The following PRKN variants were observed in gnomAD, a reference collection of about 807,000 sequenced individuals.
PRKN encodes the protein parkin RBR E3 ubiquitin protein ligase, also known as E3 ubiquitin-protein ligase parkin.
PRKN carries 56 observed loss-of-function variants against 59.5 expected under a neutral mutation model. The ratio of observed to expected loss-of-function variants is 0.94; its 90% CI spans 0.76 to 1.18. PRKN has a LOEUF of 1.18. Among genes scored for constraint, PRKN ranks in the 50% most tolerant of loss-of-function variants. PRKN has a pLI of 0.00. For missense variants in PRKN, 657 were observed against 596.4 expected (o/e 1.10, Z -1.06); for synonymous variants, 250 against 222.1 (o/e 1.13, Z -1.12).
intron 9 of PRKN, among the ~76,000 whole-genome samples, chr6:161,510,370 G>A (rs1778340952): frequency 6.6e-6 from 1 of 151,968 alleles, no homozygotes; most frequent in Non-Finnish European, 1.5e-5. Flanking sequence ...GAGGTCGCCA[G>A]TGAGGCATCG....
chr6:161,817,115 C>T (rs1240662163), intron 6 of PRKN, among the ~76,000 whole-genome samples: 4 of 152,174 alleles, frequency 2.6e-5, no homozygotes, highest in Admixed American at 2.6e-4. Context: ...TTCTACCTTC[C>T]CGGTCCACTG....
chr6:162,266,134 T>C (rs1780120281), intron 2 of PRKN, among the ~76,000 whole-genome samples: 1 of 152,194 alleles, frequency 6.6e-6, no homozygotes, highest in African/African-American at 2.4e-5. Flanking sequence ...TTGAGGTTTC[T>C]ATCCACATTT....
At chr6:162,578,707 T>G (rs1358028657) in intron 1 of PRKN, among the ~76,000 whole-genome samples, 1 of 152,224 alleles carries the variant, frequency 6.6e-6, no homozygotes, top group Non-Finnish European at 1.5e-5. Flanking sequence ...GCTCTAAGCA[T>G]TCTTGATTTG....
chr6:162,285,601 A>G (rs969084944), intron 2 of PRKN, among the ~76,000 whole-genome samples: 6 of 152,194 alleles, frequency 3.9e-5, no homozygotes, highest in Non-Finnish European at 7.3e-5. Flanking sequence ...CAAGAACTGT[A>G]TTAAGCACCA....
At chr6:161,680,775 A>ATTTTTTTTTTTTT (rs869253616) in intron 7 of PRKN, among the ~76,000 whole-genome samples, 2 of 30,634 alleles carry the variant, frequency 6.5e-5, no homozygotes, top group African/African-American at 1.2e-4. Context: ...ATATATATAT[A>ATTTTTTTTTTTTT]TTTTTTTTTT....
At chr6:162,105,945 C>T (rs1341359096) in intron 4 of PRKN, among the ~76,000 whole-genome samples, 1 of 152,088 alleles carries the variant, frequency 6.6e-6, no homozygotes, top group East Asian at 1.9e-4. Context: ...CTCATGGATC[C>T]AATCGTCATA....
At chr6:162,150,784 GAC>G (rs1782237489) in intron 4 of PRKN, among the ~76,000 whole-genome samples, 1 of 152,122 alleles carries the variant, frequency 6.6e-6, no homozygotes, top group Non-Finnish European at 1.5e-5. Flanking sequence ...CTCTGATATT[GAC>G]ACAGACAGGA....
intron 6 of PRKN, among the ~76,000 whole-genome samples, chr6:161,809,754 C>T (rs1267621523): frequency 6.6e-6 from 1 of 152,072 alleles, no homozygotes. Context: ...TGAAAAACTA[C>T]AAGAGACAAG....
chr6:161,736,495 G>C (rs990853987), intron 7 of PRKN, among the ~76,000 whole-genome samples: 2 of 152,204 alleles, frequency 1.3e-5, no homozygotes, highest in Admixed American at 6.5e-5. Flanking sequence ...TGTCTGAGAA[G>C]AGGGAGTTGC....
chr6:161,389,495 C>T (rs897649278), intron 9 of PRKN, among the ~76,000 whole-genome samples: 1 of 152,182 alleles, frequency 6.6e-6, no homozygotes, highest in Non-Finnish European at 1.5e-5. Flanking sequence ...ATCAGAACGT[C>T]CTTACACAAA....
At chr6:162,082,623 T>G (rs1779101339) in intron 4 of PRKN, among the ~76,000 whole-genome samples, 1 of 152,104 alleles carries the variant, frequency 6.6e-6, no homozygotes, top group African/African-American at 2.4e-5. Flanking sequence ...TAGCATTTGG[T>G]CTATATTGGC....
At chr6:162,183,571 G>A (rs1008767158) in intron 4 of PRKN, among the ~76,000 whole-genome samples, 3 of 152,282 alleles carry the variant, frequency 2.0e-5, no homozygotes, top group East Asian at 3.9e-4. Flanking sequence ...TCAAAGATTT[G>A]TGGTTCCAAA....
rs549285513 is a variant in PRKN, at chr6:162,084,197, G to T, written c.535-30023C>A. ...AATATAATATTAGGTTGGTGCAAAA[G>T]ATTTTTACCATTAAAAGCAATAGCA... On this transcript the variant is annotated intron_variant, in intron 4 of 11. Transcript: ENST00000366898. Among the ~76,000 whole-genome samples, 18 of 152,182 alleles carry T rather than the reference G, an allele frequency of 1.2e-4. 1 individual carries two copies. The South Asian group carries it at 3.7e-3, about 32-fold the overall frequency.
intron 7 of PRKN, among the ~76,000 whole-genome samples, chr6:161,619,614 A>G (rs1782818802): frequency 6.6e-6 from 1 of 152,166 alleles, no homozygotes; most frequent in African/African-American, 2.4e-5. Context: ...GAGAGAACTG[A>G]GGCTGAGAGA....
chr6:161,742,010 C>T (rs935038694), intron 7 of PRKN, among the ~76,000 whole-genome samples: 3 of 151,854 alleles, frequency 2.0e-5, no homozygotes, highest in Non-Finnish European at 4.4e-5. Context: ...GCTCTTGTCA[C>T]CGAGGCTGGA....
At chr6:162,365,622 T>C (rs1234550701) in intron 2 of PRKN, among the ~76,000 whole-genome samples, 2 of 152,190 alleles carry the variant, frequency 1.3e-5, no homozygotes, top group Non-Finnish European at 2.9e-5. Flanking sequence ...TGGAATGTCC[T>C]GTCCCAAGGT....
At chr6:162,276,886 C>T (rs1172539148) in intron 2 of PRKN, among the ~76,000 whole-genome samples, 1 of 151,888 alleles carries the variant, frequency 6.6e-6, no homozygotes, top group East Asian at 1.9e-4. Context: ...TTTATTCAAC[C>T]AATACCCTAT....
rs150124730 is a variant in PRKN at position 161,738,122 on chromosome 6, T to C, written c.871+47650A>G. ...AGTAGATTTTTCTTAAAAATGCAGA[T>C]GATTTCCTCTTCTTTATTTTACTAT... On this transcript the variant is annotated intron_variant, in intron 7 of 11. Coordinates refer to ENST00000366898, the MANE Select transcript of PRKN (RefSeq NM_004562.3). Among the ~76,000 whole-genome samples the C allele has an allele frequency of 2.0e-5, 3 of 152,324 alleles. No homozygotes were observed. The East Asian group carries it at 5.8e-4, about 29-fold the overall frequency.
chr6:162,303,739 T>C (rs955063487), intron 2 of PRKN, among the ~76,000 whole-genome samples: 2 of 152,156 alleles, frequency 1.3e-5, no homozygotes, highest in African/African-American at 4.8e-5. Context: ...AGTATACATG[T>C]ATAGTTGGCT....
Sources: gnomAD v4.1 joint callset for allele counts (sites outside exome capture counted in the v4.1 genomes callset) on GRCh38, gnomAD v4.1.1 for gene constraint, MANE v1.5 for transcripts, NCBI Gene and HGNC (gene_info 2026-07-23, HGNC 2026-07-21) for gene names.